The following PAQR5 variants were observed in gnomAD, a reference collection of about 807,000 sequenced individuals.
PAQR5 encodes the protein progestin and adipoQ receptor family member 5, also known as membrane progestin receptor gamma.
Under a neutral mutation model 34.5 loss-of-function variants are expected in PAQR5, and 20 were observed. That is an observed-to-expected ratio of 0.58 (90% CI 0.41 to 0.84). The LOEUF is 0.84. Ranked by LOEUF, PAQR5 falls within the 40% of genes least tolerant of loss-of-function variation. The probability of loss-of-function intolerance (pLI) is 0.00; values close to 1 mark genes in which losing one functional copy is unlikely to be tolerated. For synonymous variants in PAQR5, 131 were observed against 155.6 expected (o/e 0.84, Z 1.18); for missense variants, 378 against 412.7 (o/e 0.92, Z 0.73).
intron 4 of PAQR5, among the ~76,000 whole-genome samples, chr15:69,382,432 G>T (rs1326311565): frequency 1.3e-5 from 2 of 152,068 alleles, no homozygotes; most frequent in East Asian, 1.9e-4. Flanking sequence ...AGACCACAAG[G>T]TCAGGAGATC....
intron 1 of PAQR5, among the ~76,000 whole-genome samples, chr15:69,330,704 TA>T (rs2140665707): frequency 6.6e-6 from 1 of 152,292 alleles, no homozygotes; most frequent in African/African-American, 2.4e-5. Context: ...AAGTTATCCT[TA>T]AAAACTCTGC....
intron 1 of PAQR5, among the ~76,000 whole-genome samples, chr15:69,303,360 C>T (rs896412960): frequency 1.3e-5 from 2 of 152,162 alleles, no homozygotes; most frequent in Non-Finnish European, 2.9e-5. Context: ...CCCAAAGGGG[C>T]AGCTCCCAGA....
At position 69,385,483 on chromosome 15, in the gene PAQR5, G is replaced by A. The variant is rs1288779269; in HGVS notation, c.385+601G>A. ...AATCAGAGAGATGCTCAGAGTGTGC[G>A]GGAATAGATCAGCAACCTAAGCTGG... On this transcript the variant is annotated intron_variant, in intron 5 of 8. Transcript: ENST00000395407. The surrounding 1 kb of genome is among the most constrained non-coding windows in gnomAD (Gnocchi z 4.7). Among the ~76,000 whole-genome samples the A allele has an allele frequency of 2.6e-5, 4 of 152,080 alleles. No individual in the cohort carries two copies. The highest frequency in any genetic ancestry group is 5.9e-5 in the Non-Finnish European group (4 of 68,026).
intron 2 of PAQR5, among the ~76,000 whole-genome samples, chr15:69,356,387 A>G (rs2055077617): frequency 6.6e-6 from 1 of 152,116 alleles, no homozygotes; most frequent in Non-Finnish European, 1.5e-5. Context: ...ATTAACTTTT[A>G]TTTTTTAACC....
chr15:69,396,246 C>T (rs1281804339), intron 6 of PAQR5, among the ~76,000 whole-genome samples: 1 of 149,006 alleles, frequency 6.7e-6, no homozygotes, highest in African/African-American at 2.5e-5. Flanking sequence ...CAGGTGAAAT[C>T]GGTCTGGGCT....
chr15:69,318,217 T>A (rs940017039), intron 1 of PAQR5, among the ~76,000 whole-genome samples: 2 of 152,292 alleles, frequency 1.3e-5, no homozygotes, highest in Admixed American at 1.3e-4. Context: ...TGGAGGCTGA[T>A]GAAGTGGGGC....
At chr15:69,376,467 G>A (rs997642810) in intron 3 of PAQR5, among the ~76,000 whole-genome samples, 4 of 152,224 alleles carry the variant, frequency 2.6e-5, no homozygotes, top group African/African-American at 7.2e-5. Flanking sequence ...CAGAGCAGGA[G>A]TGCAACTAAG....
chr15:69,365,332 T>A (rs181830163), intron 3 of PAQR5, among the ~76,000 whole-genome samples: 1 of 149,324 alleles, frequency 6.7e-6, no homozygotes, highest in African/African-American at 2.5e-5. Flanking sequence ...GGTCTCAAAC[T>A]CCTGACCTCA....
chr15:69,398,444 G>A lies in PAQR5; in HGVS notation c.609+880G>A, dbSNP rs528411603. 2.6e-5 allele frequency among the ~76,000 whole-genome samples: 4 copies of A among 152,284 alleles called. No individual in the cohort carries two copies. In the East Asian group the frequency reaches 7.7e-4, roughly 29 times the overall value. ...TCCTCATCTGTACATAAGGGTACTAGGCCTCCTTTGTAGGGGAAAACAATG... is the reference window on the plus strand; with the variant it reads ...TCCTCATCTGTACATAAGGGTACTAAGCCTCCTTTGTAGGGGAAAACAATG... On this transcript the variant is annotated intron_variant, in intron 7 of 8. Transcript: ENST00000395407.
chr15:69,310,557 T>C (rs541849046), intron 1 of PAQR5, among the ~76,000 whole-genome samples: 9 of 152,358 alleles, frequency 5.9e-5, no homozygotes, highest in African/African-American at 1.4e-4. Context: ...TCTATTCATA[T>C]GTTTTATCAA....
intron 3 of PAQR5, among the ~76,000 whole-genome samples, chr15:69,373,289 TAATA>T (rs2055612729): frequency 6.6e-6 from 1 of 151,882 alleles, no homozygotes; most frequent in African/African-American, 2.4e-5. Flanking sequence ...CCTAATAACC[TAATA>T]TATTCACTGG....
chr15:69,356,139 G>A (rs369615820), intron 2 of PAQR5, among the ~76,000 whole-genome samples: 48 of 152,338 alleles, frequency 3.2e-4, no homozygotes, highest in African/African-American at 1.1e-3. Flanking sequence ...TTGAGTCAAA[G>A]CCAGAGATAA....
intron 1 of PAQR5, among the ~76,000 whole-genome samples, chr15:69,321,058 T>A (rs2054084811): frequency 6.6e-6 from 1 of 152,208 alleles, no homozygotes; most frequent in Non-Finnish European, 1.5e-5. Context: ...TGCCTTTGAG[T>A]TCTTTGGTTT....
At position 69,400,017 on chromosome 15, in the gene PAQR5, C is replaced by G. The variant is rs373031650; in HGVS notation, c.653C>G (p.Ser218Trp). ...GAGAGTGCACAAAATGAAGCCACCTCGTACCACCAGAAGCACATGATCATG... is the reference window on the plus strand; with the variant it reads ...GAGAGTGCACAAAATGAAGCCACCTGGTACCACCAGAAGCACATGATCATG... ...PGESAQNEAT[S>W]YHQKHMIMTL... Residue 218 changes from serine (S) to tryptophan (W), a missense_variant, in exon 8 of 9, where the codon TCG (serine) becomes TGG (tryptophan). Coordinates refer to ENST00000395407, the MANE Select transcript of PAQR5 (RefSeq NM_017705.4). 1.2e-6 allele frequency: 2 copies of G among 1,614,118 alleles called. No individual in the cohort carries two copies. The highest frequency in any genetic ancestry group is 3.3e-5 in the Admixed American group (2 of 60,028).
intron 4 of PAQR5, among the ~76,000 whole-genome samples, chr15:69,383,909 T>C (rs112527606): frequency 1.1e-4 from 2 of 18,064 alleles, no homozygotes; most frequent in African/African-American, 2.9e-4. Context: ...GAGTGGGCCT[T>C]TGTGTTCATG....
intron 6 of PAQR5, among the ~76,000 whole-genome samples, chr15:69,394,309 A>G (rs930275369): frequency 1.3e-5 from 2 of 152,082 alleles, no homozygotes; most frequent in African/African-American, 4.8e-5. Context: ...CTCAGCAGAC[A>G]TGGTTCTCAG....
At chr15:69,322,735 A>G (rs1177322003) in intron 1 of PAQR5, among the ~76,000 whole-genome samples, 21 of 32,716 alleles carry the variant, frequency 6.4e-4, no homozygotes, top group South Asian at 2.8e-3. Context: ...GAAGAAGAAG[A>G]AGAAGAAGAA....
intron 3 of PAQR5, among the ~76,000 whole-genome samples, chr15:69,364,479 AATATATATACATTATATATGTT>A (rs1206070374): frequency 1.9e-4 from 25 of 132,118 alleles, no homozygotes; most frequent in Non-Finnish European, 2.6e-4. Flanking sequence ...TTATATATGT[AATATATATACATTATATATGTT>A]ATATATATAC....
intron 2 of PAQR5, among the ~76,000 whole-genome samples, chr15:69,338,280 G>A (rs1308155224): frequency 6.6e-6 from 1 of 152,192 alleles, no homozygotes; most frequent in Non-Finnish European, 1.5e-5. Context: ...ACTGTTGTTA[G>A]CTGTTCTTGA....
Sources: allele counts gnomAD v4.1 joint callset (sites outside exome capture counted in the v4.1 genomes callset), GRCh38; gene constraint gnomAD v4.1.1; non-coding constraint Gnocchi (gnomAD v3.1); transcripts MANE v1.5; gene names NCBI Gene and HGNC (gene_info 2026-07-23, HGNC 2026-07-21).